The following ZNF462 variants were observed in gnomAD, a reference collection of about 807,000 sequenced individuals.
The protein encoded by ZNF462 is zinc finger PBX1-interacting protein.
In ZNF462, 10 loss-of-function variants were observed where a neutral mutation model predicts 201.9. The ratio of observed to expected loss-of-function variants is 0.05; its 90% CI spans 0.03 to 0.08. The LOEUF is 0.08. ZNF462 is among the 10% of genes least tolerant of loss of function. ZNF462 has a pLI of 1.00. For missense variants in ZNF462, 2,523 were observed against 3,168.3 expected, an observed-to-expected ratio of 0.80 and a Z score of 4.89; for synonymous variants, 1,227 against 1,193.3, an observed-to-expected ratio of 1.03 and a Z score of -0.58.
At chr9:106,862,851 T>C (rs548100331), upstream of ZNF462, among the ~76,000 whole-genome samples, 7 of 152,234 alleles carry the variant, frequency 4.6e-5, no homozygotes, top group South Asian at 4.1e-4. The surrounding 1 kb of genome is among the most constrained non-coding windows in gnomAD (Gnocchi z 4.2). Flanking sequence ...TTCTTTCTTT[T>C]TTTCCTTCCT....
At chr9:106,982,009 G>A (rs1448871095) in intron 9 of ZNF462, among the ~76,000 whole-genome samples, 1 of 152,204 alleles carries the variant, frequency 6.6e-6, no homozygotes, top group Non-Finnish European at 1.5e-5. Flanking sequence ...CAGTCCCAAG[G>A]AAGATGCCAG....
chr9:106,936,915 A>G (rs1490968731), intron 6 of ZNF462, among the ~76,000 whole-genome samples: 1 of 152,148 alleles, frequency 6.6e-6, no homozygotes, highest in African/African-American at 2.4e-5. Flanking sequence ...ACTGGCTGGC[A>G]GGAAGAGAGC....
Position 106,974,001 on chromosome 9 carries a change from A to T in ZNF462, c.6696-136A>T. The T allele has an allele frequency of 8.5e-7, 1 of 1,170,350 alleles. No individual in the cohort carries two copies. Among genetic ancestry groups the T allele is most frequent in the Admixed American group, 2.0e-5 (1 of 48,856 alleles). The allele number at this position is 1,170,350 out of a possible 1,614,324, so 72.5% of individuals were successfully genotyped here. ...AGTTTCTGGGTGGTCAACAAACATGATGAACAGATTTTTTTTTAGCCCCAC... is the reference window on the plus strand; with the variant it reads ...AGTTTCTGGGTGGTCAACAAACATGTTGAACAGATTTTTTTTTAGCCCCAC... On this transcript the variant is annotated intron_variant, in intron 8 of 12. Coordinates refer to ENST00000277225, the MANE Select transcript of ZNF462 (RefSeq NM_021224.6). The surrounding 1 kb of genome is among the most constrained non-coding windows in gnomAD (Gnocchi z 4.0).
chr9:106,860,413 C>G (rs916945126), upstream of ZNF462, among the ~76,000 whole-genome samples: 1 of 152,110 alleles, frequency 6.6e-6, no homozygotes, highest in Admixed American at 6.5e-5. The surrounding 1 kb of genome is among the most constrained non-coding windows in gnomAD (Gnocchi z 7.1). Flanking sequence ...CCCTTTGGTG[C>G]CCCAGGAGCC....
chr9:106,930,276 G>A lies in ZNF462; in HGVS notation c.5848-249G>A, dbSNP rs1009485680. Among the ~76,000 whole-genome samples the A allele has an allele frequency of 2.0e-5, 3 of 152,118 alleles. No homozygotes were observed. Among genetic ancestry groups the A allele is most frequent in the South Asian group, 4.1e-4 (2 of 4,830 alleles). ...AACCAGATGACTTAGTGGCAGTGAC[G>A]ATGAGCTTCTGCACAGAAATCTTCT... On this transcript the variant is annotated intron_variant, in intron 3 of 12. Transcript: ENST00000277225. The surrounding 1 kb of genome is among the most constrained non-coding windows in gnomAD (Gnocchi z 5.8).
At chr9:106,921,554 G>A (rs1829992101) in intron 1 of ZNF462, among the ~76,000 whole-genome samples, 1 of 152,192 alleles carries the variant, frequency 6.6e-6, no homozygotes, top group African/African-American at 2.4e-5. Context: ...CTTCAGTGAC[G>A]CAGGAGCTCA....
intron 7 of ZNF462, among the ~76,000 whole-genome samples, chr9:106,945,818 G>A (rs754754774): frequency 1.2e-4 from 19 of 152,142 alleles, no homozygotes; most frequent in Admixed American, 7.2e-4. Context: ...TGAAGACCCC[G>A]AATCTTCTGT....
chr9:106,962,074 A>G lies in ZNF462; in HGVS notation c.6428-9931A>G, dbSNP rs1473956038. Among the ~76,000 whole-genome samples, 2 of 152,006 alleles carry G rather than the reference A, an allele frequency of 1.3e-5. No individual in the cohort carries two copies. Among genetic ancestry groups the G allele is most frequent in the African/African-American group, 2.4e-5 (1 of 41,396 alleles). ...GTTCAGAGTTTGGGCTTTTTTCTGT[A>G]AGAAAGTGAGTGTCATGATCACATT... is the stretch of plus-strand genomic sequence containing the variant. On this transcript the variant is annotated intron_variant, in intron 7 of 12. Coordinates refer to ENST00000277225, the MANE Select transcript of ZNF462 (RefSeq NM_021224.6). The surrounding 1 kb of genome is among the most constrained non-coding windows in gnomAD (Gnocchi z 4.6).
intron 1 of ZNF462, among the ~76,000 whole-genome samples, chr9:106,909,903 A>T (rs982226958): frequency 3.3e-5 from 5 of 152,174 alleles, no homozygotes; most frequent in African/African-American, 1.2e-4. Context: ...TCTACCACAG[A>T]TTTAAGCATA....
At position 106,870,417 on chromosome 9, in the gene ZNF462, G is replaced by A. The variant is rs1374737787; in HGVS notation, c.-31+7062G>A. On this transcript the variant is annotated intron_variant, in intron 1 of 12. Coordinates refer to ENST00000277225, the MANE Select transcript of ZNF462 (RefSeq NM_021224.6). This position sits in a 1 kb window ranked among gnomAD's most constrained non-coding sequence, Gnocchi z 4.3. ...GATATTAATAAAATACTTGTGCTGC[G>A]CCTGTCCACATCTTACCCCCAACCT... Among the ~76,000 whole-genome samples the A allele has an allele frequency of 1.3e-5, 2 of 152,086 alleles. No individual in the cohort carries two copies. Among genetic ancestry groups the A allele is most frequent in the African/African-American group, 2.4e-5 (1 of 41,414 alleles).
chr9:106,867,796 T>C (rs939829578), intron 1 of ZNF462, among the ~76,000 whole-genome samples: 1 of 152,230 alleles, frequency 6.6e-6, no homozygotes, highest in African/African-American at 2.4e-5. Context: ...TTGCAATTAC[T>C]TGGTTAAGGT....
intron 10 of ZNF462, among the ~76,000 whole-genome samples, chr9:106,995,898 G>A (rs565201447): frequency 2.0e-5 from 3 of 152,166 alleles, no homozygotes; most frequent in African/African-American, 7.2e-5. Context: ...CATGTGCCAT[G>A]TTGGTGTGCT....
chr9:106,932,182 G>C lies in ZNF462; in HGVS notation c.6013-264G>C. 6.6e-7 allele frequency: 1 copy of C among 1,520,160 alleles called. No homozygotes were observed. Among genetic ancestry groups the C allele is most frequent in the East Asian group, 2.4e-5 (1 of 40,830 alleles). The allele number at this position is 1,520,160 out of a possible 1,614,324, so 94.2% of individuals were successfully genotyped here. On this transcript the variant is annotated intron_variant, in intron 4 of 12. Transcript: ENST00000277225. This position sits in a 1 kb window ranked among gnomAD's most constrained non-coding sequence, Gnocchi z 6.8. ...GTGCTGTTGAGTTTGGGAGAATGTA[G>C]GGAGAAAAAGAAAGCTGGAGGCAAT...
At position 106,923,470 on chromosome 9, in the gene ZNF462, A is replaced by G; in HGVS notation, c.87A>G (p.Ala29=). Residue 29 remains alanine (A), a synonymous_variant, in exon 2 of 13, where the codon GCA becomes GCG. Transcript: ENST00000277225. The surrounding 1 kb of genome is among the most constrained non-coding windows in gnomAD (Gnocchi z 5.6). ...LKAHIQDVHT[A]FLQPTDVAED... is the part of the protein sequence containing the mutation. Reference sequence around the variant, plus strand: ...CACACATTCAGGATGTCCACACGGCATTTCTGCAGCCAACTGATGTTGCTG... The same window carrying G: ...CACACATTCAGGATGTCCACACGGCGTTTCTGCAGCCAACTGATGTTGCTG... 1.2e-6 allele frequency: 2 copies of G among 1,614,196 alleles called. No homozygotes were observed. Among genetic ancestry groups the G allele is most frequent in the Non-Finnish European group, 1.7e-6 (2 of 1,180,044 alleles).
intron 1 of ZNF462, among the ~76,000 whole-genome samples, chr9:106,864,080 CTCTCTCTCTCTCTCT>C (rs1564062535): frequency 1.4e-4 from 19 of 138,136 alleles, no homozygotes; most frequent in African/African-American, 4.9e-4. Flanking sequence ...CTCTCTCTCT[CTCTCTCTCTCTCTCT>C]CTCTCTCTCT....
rs1311594480 is a variant in ZNF462, at chr9:106,883,599, T to C, written c.-31+20244T>C. On this transcript the variant is annotated intron_variant, in intron 1 of 12. Coordinates refer to ENST00000277225, the MANE Select transcript of ZNF462 (RefSeq NM_021224.6). The surrounding 1 kb of genome is among the most constrained non-coding windows in gnomAD (Gnocchi z 4.9). ...TGTTGAAGTACCCTAAGTAAAATTA[T>C]TACTGCAAGGAAAGATTAGATTAGA... Among the ~76,000 whole-genome samples, 2 of 152,360 alleles carry C rather than the reference T, an allele frequency of 1.3e-5. No homozygotes were observed. The highest frequency in any genetic ancestry group is 4.8e-5 in the African/African-American group (2 of 41,582).
Position 107,012,737 on chromosome 9 carries a change from A to G in ZNF462, c.*1707A>G, listed in dbSNP as rs1256128580. On this transcript the variant is annotated 3_prime_UTR_variant, in exon 13 of 13. Coordinates refer to ENST00000277225, the MANE Select transcript of ZNF462 (RefSeq NM_021224.6). Reference sequence around the variant, plus strand: ...TTTTTTTTTTTTTTTTTTTACTTGGAAGGGTTGTGGGAGGGTGGGAGGGAA... The same window carrying G: ...TTTTTTTTTTTTTTTTTTTACTTGGGAGGGTTGTGGGAGGGTGGGAGGGAA... 44 of 94,600 alleles carry G rather than the reference A, an allele frequency of 4.7e-4. No homozygotes were observed. The highest frequency in any genetic ancestry group is 1.1e-3 in the Admixed American group (9 of 7,906). The allele number at this position is 94,600 out of a possible 1,614,324, so 5.9% of individuals were successfully genotyped here.
At chr9:107,007,649 T>A (rs1045320295) in intron 11 of ZNF462, among the ~76,000 whole-genome samples, 3 of 152,160 alleles carry the variant, frequency 2.0e-5, no homozygotes, top group Non-Finnish European at 2.9e-5. Flanking sequence ...AGAATCAACT[T>A]TCCACCATCT....
Position 107,009,840 on chromosome 9 carries a change from T to A in ZNF462, c.7313+172T>A, listed in dbSNP as rs777173905. ...CAAGTTTCTCCTTTTCTGTTGTTTT[T>A]TAAAATGGTCACCCAGCCGCAAGTC... On this transcript the variant is annotated intron_variant, in intron 12 of 12. Transcript: ENST00000277225. This position sits in a 1 kb window ranked among gnomAD's most constrained non-coding sequence, Gnocchi z 6.1. 1.3e-5 allele frequency among the ~76,000 whole-genome samples: 2 copies of A among 152,132 alleles called. No individual in the cohort carries two copies. The highest frequency in any genetic ancestry group is 2.9e-5 in the Non-Finnish European group (2 of 68,016).
Sources: allele counts gnomAD v4.1 joint callset (sites outside exome capture counted in the v4.1 genomes callset), GRCh38; gene constraint gnomAD v4.1.1; non-coding constraint Gnocchi (gnomAD v3.1); transcripts MANE v1.5; gene names NCBI Gene and HGNC (gene_info 2026-07-23, HGNC 2026-07-21).